SAMD12: variants seen among roughly 807,000 people sequenced by gnomAD.
SAMD12 encodes sterile alpha motif domain containing 12.
SAMD12 carries 9 observed loss-of-function variants against 15.0 expected under a neutral mutation model. That is an observed-to-expected ratio of 0.60 (90% CI 0.36 to 1.05). The LOEUF is 1.05. Among genes scored for constraint, SAMD12 ranks in the 50% least tolerant of loss-of-function variants. The pLI is 0.01. For synonymous variants in SAMD12, 86 were observed against 90.1 expected, an observed-to-expected ratio of 0.96 and a Z score of 0.25; for missense variants, 230 against 234.2, an observed-to-expected ratio of 0.98 and a Z score of 0.12.
At chr8:118,162,250 C>T in the SAMD12 span, among the ~76,000 whole-genome samples, 3,718 of 146,346 alleles carry the variant, frequency 0.025, 62 homozygotes, top group Non-Finnish European at 0.04. Flanking sequence ...AGGGTTATGG[C>T]TATGTTTGCT....
intron 4 of SAMD12, among the ~76,000 whole-genome samples, chr8:118,362,282 T>C (rs1818539380): frequency 6.6e-6 from 1 of 152,268 alleles, no homozygotes; most frequent in South Asian, 2.1e-4. Context: ...AGTAAAACTC[T>C]TTCCGTAACA....
chr8:118,191,322 T>G (rs1321617294), exon 5 of SAMD12: 1 of 152,090 alleles, frequency 6.6e-6, no homozygotes. Flanking sequence ...GGAGAAACCA[T>G]TCAGAGCCCC....
chr8:118,402,213 A>G (rs1172242591), intron 3 of SAMD12, among the ~76,000 whole-genome samples: 1 of 152,232 alleles, frequency 6.6e-6, no homozygotes, highest in Non-Finnish European at 1.5e-5. Flanking sequence ...AAGGCTTATT[A>G]GATCATATAT....
At chr8:118,551,381 A>T (rs1472249561) in intron 2 of SAMD12, among the ~76,000 whole-genome samples, 1 of 151,984 alleles carries the variant, frequency 6.6e-6, no homozygotes, top group East Asian at 1.9e-4. Flanking sequence ...CTCACTCAAA[A>T]CCGCTCAACT....
chr8:118,217,028 G>A lies in SAMD12; in HGVS notation c.434-19296C>T, dbSNP rs140052150. Among the ~76,000 whole-genome samples the A allele has an allele frequency of 3.3e-3, 494 of 151,636 alleles. 2 individuals carry two copies. The highest frequency in any genetic ancestry group is 0.01 in the African/African-American group (432 of 41,380). ...TGGTCTCTACCTTTTTTTTTGAGAC[G>A]GAGTCTCGCTCTGTCACCAGGCTGG... On this transcript the variant is annotated intron_variant, in intron 4 of 4. Transcript: ENST00000409003.
At chr8:118,302,078 GTTTTTT>G (rs58076997) in intron 4 of SAMD12, among the ~76,000 whole-genome samples, 5 of 74,684 alleles carry the variant, frequency 6.7e-5, no homozygotes, top group East Asian at 1.1e-3. Flanking sequence ...ATCTTTGAGA[GTTTTTT>G]TTTTTTTTTT....
At chr8:118,210,322 C>A (rs561868174) in intron 4 of SAMD12, among the ~76,000 whole-genome samples, 1 of 152,296 alleles carries the variant, frequency 6.6e-6, no homozygotes, top group South Asian at 2.1e-4. Flanking sequence ...TGGGTCACAC[C>A]ACTAAGAACT....
intron 3 of SAMD12, among the ~76,000 whole-genome samples, chr8:118,420,852 TA>T (rs1821963883): frequency 6.6e-6 from 1 of 152,188 alleles, no homozygotes. Flanking sequence ...GAGATTAGAA[TA>T]GGGGTTGGCA....
exon 5 of SAMD12, chr8:118,191,817 G>T (rs867057053): frequency 1.5e-4 from 13 of 84,544 alleles, no homozygotes; most frequent in Admixed American, 2.4e-4. Context: ...TATATAGAGA[G>T]AGAGAGAGAG....
intron 3 of SAMD12, among the ~76,000 whole-genome samples, chr8:118,406,238 T>C (rs982740127): frequency 1.3e-5 from 2 of 151,930 alleles, no homozygotes; most frequent in Admixed American, 6.6e-5. Flanking sequence ...TAGAAATATA[T>C]AACATAATTT....
Position 118,379,359 on chromosome 8 carries a change from T to C in SAMD12, c.*58A>G. 2 of 1,569,246 alleles carry C rather than the reference T, an allele frequency of 1.3e-6. No individual in the cohort carries two copies. Among genetic ancestry groups the C allele is most frequent in the Non-Finnish European group, 1.7e-6 (2 of 1,160,380 alleles). ...TAATTCTGTTTGCTCATCCATTACT[T>C]ATTTGTGCATCCTTCTCCCTAGTGA... On this transcript the variant is annotated 3_prime_UTR_variant, in exon 4 of 4. Coordinates refer to ENST00000314727, the MANE Select transcript of SAMD12 (RefSeq NM_207506.3).
rs1334629157 is a variant in SAMD12 at position 118,592,313 on chromosome 8, C to T, written c.14-11420G>A. On this transcript the variant is annotated intron_variant, in intron 1 of 3. Transcript: ENST00000314727. ...AAAGCAAATAGAGGAAAAAAAATGG[C>T]AAATGGGAAATGAAATGAAATTCAG... 2.0e-5 allele frequency among the ~76,000 whole-genome samples: 3 copies of T among 151,968 alleles called. No individual in the cohort carries two copies. In the East Asian group the frequency reaches 5.8e-4, roughly 29 times the overall value.
chr8:118,604,830 G>A (rs1185724570), intron 1 of SAMD12, among the ~76,000 whole-genome samples: 1 of 152,112 alleles, frequency 6.6e-6, no homozygotes, highest in African/African-American at 2.4e-5. Context: ...GCTGAGGCAG[G>A]AGAATGGCAT....
intron 2 of SAMD12, among the ~76,000 whole-genome samples, chr8:118,567,468 A>G (rs1000457535): frequency 6.6e-6 from 1 of 152,148 alleles, no homozygotes; most frequent in Non-Finnish European, 1.5e-5. Flanking sequence ...ACATGAGAAA[A>G]GGCTGCTATC....
chr8:118,198,596 C>T (rs1289391333), intron 4 of SAMD12, among the ~76,000 whole-genome samples: 1 of 152,120 alleles, frequency 6.6e-6, no homozygotes. Flanking sequence ...GTTTTCAAAC[C>T]TGGCTCTCAA....
chr8:118,432,555 A>G (rs1822447802), intron 3 of SAMD12, among the ~76,000 whole-genome samples: 1 of 152,198 alleles, frequency 6.6e-6, no homozygotes, highest in Non-Finnish European at 1.5e-5. Flanking sequence ...TTCAACATAC[A>G]CTTTCTTATT....
At chr8:118,298,441 TGAAA>T (rs1814840734) in intron 4 of SAMD12, among the ~76,000 whole-genome samples, 1 of 152,204 alleles carries the variant, frequency 6.6e-6, no homozygotes, top group South Asian at 2.1e-4. Flanking sequence ...TAAAAAGATG[TGAAA>T]GAGACTGGCT....
chr8:118,278,611 G>A (rs1813527988), intron 4 of SAMD12, among the ~76,000 whole-genome samples: 1 of 152,170 alleles, frequency 6.6e-6, no homozygotes, highest in Admixed American at 6.5e-5. Context: ...CTGCTGTTAA[G>A]TGCTCACCAG....
intron 2 of SAMD12, among the ~76,000 whole-genome samples, chr8:118,445,931 A>G (rs1822898444): frequency 6.6e-6 from 1 of 152,174 alleles, no homozygotes; most frequent in South Asian, 2.1e-4. Flanking sequence ...TGGGAATTGT[A>G]GCTTATTCAT....
Sources: allele counts gnomAD v4.1 joint callset (sites outside exome capture counted in the v4.1 genomes callset), GRCh38; gene constraint gnomAD v4.1.1; transcripts MANE v1.5; gene names NCBI Gene and HGNC (gene_info 2026-07-23, HGNC 2026-07-21).